The following HCN1 variants were observed in gnomAD, a reference collection of about 807,000 sequenced individuals.
The protein encoded by HCN1 is potassium/sodium hyperpolarization-activated cyclic nucleotide-gated channel 1.
HCN1 carries 13 observed loss-of-function variants against 78.9 expected under a neutral mutation model. The ratio of observed to expected loss-of-function variants is 0.16; its 90% CI spans 0.11 to 0.26. HCN1 has a LOEUF of 0.26. Ranked by LOEUF, HCN1 falls within the 10% of genes least tolerant of loss-of-function variation. HCN1 has a pLI of 1.00. For synonymous variants in HCN1, 552 were observed against 455.5 expected, an observed-to-expected ratio of 1.21 and a Z score of -2.70; for missense variants, 810 against 1,154.3, an observed-to-expected ratio of 0.70 and a Z score of 4.32.
Position 45,695,870 on chromosome 5 carries a change from TCGCCGCCGCCGCCGCCGCCGCCAC to T in HCN1, c.200_223del (p.Gly67_Gly74del), listed in dbSNP as rs748849525. 2.6e-5 allele frequency: 40 copies of T among 1,563,470 alleles called. 1 individual carries two copies. In the Admixed American group the frequency reaches 7.2e-4, roughly 28 times the overall value. ...GTCTTCGAAGCCCCCCGCCGGCTCC[TCGCCGCCGCCGCCGCCGCCGCCAC>T]CGCCGCCACCGCCGTCCACCTTGAA... On this transcript the variant is annotated inframe_deletion, in exon 1 of 8. Coordinates refer to ENST00000303230, the MANE Select transcript of HCN1 (RefSeq NM_021072.4).
intron 2 of HCN1, among the ~76,000 whole-genome samples, chr5:45,597,894 A>G (rs1050622001): frequency 6.6e-6 from 1 of 152,168 alleles, no homozygotes; most frequent in Non-Finnish European, 1.5e-5. Flanking sequence ...ACTACAAACC[A>G]CTGCTCAACA....
intron 4 of HCN1, among the ~76,000 whole-genome samples, chr5:45,356,487 A>G (rs953465695): frequency 7.2e-5 from 11 of 152,002 alleles, no homozygotes; most frequent in Non-Finnish European, 1.0e-4. Flanking sequence ...TCACTTTTCC[A>G]TGTTAAAAGG....
chr5:45,444,568 T>C (rs998607486), intron 3 of HCN1, among the ~76,000 whole-genome samples: 4 of 152,170 alleles, frequency 2.6e-5, no homozygotes, highest in African/African-American at 9.6e-5. Flanking sequence ...ATTCTTGTAC[T>C]TGTCCTTATC....
At position 45,447,286 on chromosome 5, in the gene HCN1, G is replaced by A. The variant is rs183465711; in HGVS notation, c.1011+14560C>T. On this transcript the variant is annotated intron_variant, in intron 3 of 7. Coordinates refer to ENST00000303230, the MANE Select transcript of HCN1 (RefSeq NM_021072.4). Reference sequence around the variant, plus strand: ...ACCAGGTGCGGCTCTGTCACTTAGGGTGAAATGATGCAGTGGTGTGATCTT... The same window carrying A: ...ACCAGGTGCGGCTCTGTCACTTAGGATGAAATGATGCAGTGGTGTGATCTT... Among the ~76,000 whole-genome samples the A allele has an allele frequency of 1.1e-3, 166 of 152,234 alleles. 2 individuals are homozygous for A. Among genetic ancestry groups the A allele is most frequent in the Non-Finnish European group, 1.0e-4 (7 of 68,016 alleles).
At chr5:45,421,503 C>G (rs914259217) in intron 3 of HCN1, among the ~76,000 whole-genome samples, 19 of 151,684 alleles carry the variant, frequency 1.3e-4, no homozygotes, top group African/African-American at 4.1e-4. Context: ...GTGAAGGAAG[C>G]AAACCTTGTA....
At chr5:45,657,874 G>T (rs902992786) in intron 1 of HCN1, among the ~76,000 whole-genome samples, 5 of 152,108 alleles carry the variant, frequency 3.3e-5, no homozygotes, top group African/African-American at 1.2e-4. Context: ...TTTCTTCACA[G>T]AATTGGAAAA....
chr5:45,563,130 T>C (rs1306926492), intron 2 of HCN1, among the ~76,000 whole-genome samples: 2 of 152,198 alleles, frequency 1.3e-5, no homozygotes, highest in Non-Finnish European at 2.9e-5. Flanking sequence ...TTCTTTTTTA[T>C]AGTGAATATA....
At position 45,567,558 on chromosome 5, in the gene HCN1, T is replaced by TAC. The variant is rs36230541; in HGVS notation, c.849+77625_849+77626dup. Among the ~76,000 whole-genome samples, 920 of 133,004 alleles carry TAC rather than the reference T, an allele frequency of 6.9e-3. 13 individuals carry two copies. Among genetic ancestry groups the TAC allele is most frequent in the African/African-American group, 0.019 (660 of 35,664 alleles). The allele number at this position is 133,004 out of a possible 152,430, so 87.3% of individuals were successfully genotyped here. A position where few individuals can be genotyped will look rare whatever the true frequency, so the allele number is the denominator to read the frequency against. On this transcript the variant is annotated intron_variant, in intron 2 of 7. Coordinates refer to ENST00000303230, the MANE Select transcript of HCN1 (RefSeq NM_021072.4). The stretch of plus-strand genomic sequence containing the variant: ...GTGAAAAGGAGAGGGCATTTTAGGC[T>TAC]ACACACACACACACACACACACACA...
intron 2 of HCN1, among the ~76,000 whole-genome samples, chr5:45,520,123 T>TCACAGTACC (rs1441640632): frequency 2.0e-5 from 3 of 152,018 alleles, no homozygotes; most frequent in African/African-American, 7.2e-5. Context: ...TGTGCTTAGG[T>TCACAGTACC]TGGTCCATTC....
intron 5 of HCN1, among the ~76,000 whole-genome samples, chr5:45,317,609 C>A (rs1746022377): frequency 6.6e-6 from 1 of 152,026 alleles, no homozygotes; most frequent in African/African-American, 2.4e-5. Context: ...AAAGAAACTA[C>A]CATCAGAGTG....
chr5:45,580,868 T>A (rs939611085), intron 2 of HCN1, among the ~76,000 whole-genome samples: 1 of 152,198 alleles, frequency 6.6e-6, no homozygotes, highest in African/African-American at 2.4e-5. Context: ...GGACATGAAC[T>A]CATCCTTTTT....
chr5:45,423,828 T>G (rs951938825), intron 3 of HCN1, among the ~76,000 whole-genome samples: 4 of 152,052 alleles, frequency 2.6e-5, no homozygotes, highest in African/African-American at 4.8e-5. Context: ...CTCTTGAAAT[T>G]TTCTTTAAAT....
chr5:45,372,207 T>TAATATATATTA (rs1747406895), intron 4 of HCN1, among the ~76,000 whole-genome samples: 1 of 71,598 alleles, frequency 1.4e-5, no homozygotes, highest in Non-Finnish European at 2.3e-5. Context: ...ATAATACATA[T>TAATATATATTA]TATATAATAT....
intron 4 of HCN1, among the ~76,000 whole-genome samples, chr5:45,370,335 C>A (rs902851817): frequency 6.6e-6 from 1 of 151,920 alleles, no homozygotes; most frequent in Admixed American, 6.6e-5. Flanking sequence ...TCCCTATTTT[C>A]CTGCCTTAAA....
At chr5:45,517,045 CTG>C (rs2111770131) in intron 2 of HCN1, among the ~76,000 whole-genome samples, 1 of 151,952 alleles carries the variant, frequency 6.6e-6, no homozygotes, top group South Asian at 2.1e-4. Context: ...TTGTGGAAAA[CTG>C]TGTTAGGAAA....
At chr5:45,425,299 T>C (rs894890964) in intron 3 of HCN1, among the ~76,000 whole-genome samples, 6 of 152,210 alleles carry the variant, frequency 3.9e-5, no homozygotes, top group Non-Finnish European at 5.9e-5. Flanking sequence ...ACTCCATCTG[T>C]GTGGCATTTC....
At chr5:45,298,161 G>A (rs1745537273) in intron 6 of HCN1, among the ~76,000 whole-genome samples, 1 of 151,952 alleles carries the variant, frequency 6.6e-6, no homozygotes, top group African/African-American at 2.4e-5. Flanking sequence ...TGAGTTGACT[G>A]GCTCATGAGG....
At chr5:45,299,462 C>T (rs1273167166) in intron 6 of HCN1, among the ~76,000 whole-genome samples, 1 of 151,880 alleles carries the variant, frequency 6.6e-6, no homozygotes, top group Non-Finnish European at 1.5e-5. Flanking sequence ...TATTTTGAAT[C>T]ATCTGGGGAT....
At chr5:45,628,735 G>C (rs905534222) in intron 2 of HCN1, among the ~76,000 whole-genome samples, 1 of 152,088 alleles carries the variant, frequency 6.6e-6, no homozygotes, top group African/African-American at 2.4e-5. Context: ...TAGCACCTTA[G>C]GAAGCCAAGG....
Sources: allele counts gnomAD v4.1 joint callset (sites outside exome capture counted in the v4.1 genomes callset), GRCh38; gene constraint gnomAD v4.1.1; transcripts MANE v1.5; gene names NCBI Gene and HGNC (gene_info 2026-07-23, HGNC 2026-07-21).